Variants in CHN2 observed in about 807,000 individuals in gnomAD.
CHN2 encodes the protein chimerin 2.
A neutral mutation model predicts 56.3 loss-of-function variants in CHN2; 35 were observed. That is an observed-to-expected ratio of 0.62 (90% CI 0.47 to 0.82). CHN2 has a LOEUF of 0.82. CHN2 is among the 40% of genes least tolerant of loss of function. The pLI is 0.00. For missense variants in CHN2, 491 were observed against 580.5 expected (o/e 0.85, Z 1.58); for synonymous variants, 210 against 212.8 (o/e 0.99, Z 0.12).
chr7:29,234,834 A>G (rs1223064884), intron 1 of CHN2, among the ~76,000 whole-genome samples: 2 of 152,224 alleles, frequency 1.3e-5, no homozygotes, highest in Non-Finnish European at 2.9e-5. Context: ...CATTAGCATG[A>G]TGGTTATTTT....
At chr7:29,416,666 C>G (rs375809478) in intron 6 of CHN2, among the ~76,000 whole-genome samples, 1 of 152,074 alleles carries the variant, frequency 6.6e-6, no homozygotes, top group African/African-American at 2.4e-5. Flanking sequence ...ACCGCTGGCC[C>G]GGGCAGTAGA....
Position 29,438,396 on chromosome 7 carries a change from G to T in CHN2, c.576+37568G>T, listed in dbSNP as rs376343020. On this transcript the variant is annotated intron_variant, in intron 6 of 12. Transcript: ENST00000222792. ...GCAATTTGTTCTGAACATATTTCTA[G>T]ATCACCAAATAACCTTTAACAAAAT... 5.9e-5 allele frequency among the ~76,000 whole-genome samples: 9 copies of T among 152,252 alleles called. No individual in the cohort carries two copies. In the East Asian group the frequency reaches 1.2e-3, roughly 20 times the overall value.
At chr7:29,483,707 T>C in intron 7 of CHN2, 1 of 404,448 alleles carries the variant, frequency 2.5e-6, no homozygotes, top group Non-Finnish European at 3.5e-6. Context: ...AGCTCTCTTT[T>C]GAATGGTCCA....
chr7:29,434,729 G>T (rs1359174018), intron 6 of CHN2, among the ~76,000 whole-genome samples: 4 of 152,108 alleles, frequency 2.6e-5, no homozygotes, highest in African/African-American at 4.8e-5. Context: ...TATATCTTTT[G>T]GAGAAGGTCA....
intron 9 of CHN2, among the ~76,000 whole-genome samples, chr7:29,502,176 C>A (rs970740541): frequency 6.6e-6 from 1 of 152,158 alleles, no homozygotes; most frequent in African/African-American, 2.4e-5. Context: ...TCACAGAGAC[C>A]CTGAGTAACA....
At chr7:29,412,473 G>A (rs927884093) in intron 6 of CHN2, among the ~76,000 whole-genome samples, 7 of 151,496 alleles carry the variant, frequency 4.6e-5, no homozygotes, top group African/African-American at 1.5e-4. Context: ...CTGAGACTAC[G>A]GGCTCACACC....
At chr7:29,231,428 A>G (rs1436130734) in intron 1 of CHN2, among the ~76,000 whole-genome samples, 1 of 152,158 alleles carries the variant, frequency 6.6e-6, no homozygotes, top group Non-Finnish European at 1.5e-5. Flanking sequence ...TTATCTACGT[A>G]TCTGTCTTTA....
intron 2 of CHN2, among the ~76,000 whole-genome samples, chr7:29,152,002 T>C (rs991558164): frequency 3.3e-5 from 5 of 152,252 alleles, no homozygotes; most frequent in African/African-American, 7.2e-5. Flanking sequence ...GTTTAGGTTT[T>C]ATTTTATTTT....
chr7:29,315,741 C>T (rs951909837), intron 1 of CHN2, among the ~76,000 whole-genome samples: 1 of 151,858 alleles, frequency 6.6e-6, no homozygotes, highest in African/African-American at 2.4e-5. Context: ...CTAGGTGATT[C>T]AGCAGTGAAT....
At chr7:29,385,800 A>G (rs1455359970) in intron 3 of CHN2, among the ~76,000 whole-genome samples, 2 of 152,166 alleles carry the variant, frequency 1.3e-5, no homozygotes, top group Non-Finnish European at 2.9e-5. Flanking sequence ...TTTCTGGAAA[A>G]TTTTGGGGGC....
At chr7:29,296,945 G>T (rs1411211998) in intron 1 of CHN2, among the ~76,000 whole-genome samples, 1 of 152,116 alleles carries the variant, frequency 6.6e-6, no homozygotes, top group Non-Finnish European at 1.5e-5. Flanking sequence ...TTGGGAGCTG[G>T]GCAGGTCCAG....
At chr7:29,455,761 T>C (rs886789869) in intron 6 of CHN2, among the ~76,000 whole-genome samples, 1 of 152,174 alleles carries the variant, frequency 6.6e-6, no homozygotes, top group Non-Finnish European at 1.5e-5. Flanking sequence ...GAACAGAGGA[T>C]AACCTGACAC....
intron 6 of CHN2, among the ~76,000 whole-genome samples, chr7:29,412,907 G>T (rs1803384231): frequency 8.0e-6 from 1 of 125,008 alleles, no homozygotes; most frequent in Admixed American, 8.6e-5. Context: ...TGGGTGGGTG[G>T]GGTCCTGGAT....
At chr7:29,346,011 A>T (rs1484969204) in intron 1 of CHN2, among the ~76,000 whole-genome samples, 1 of 152,142 alleles carries the variant, frequency 6.6e-6, no homozygotes, top group African/African-American at 2.4e-5. Context: ...GCAGGCCTTC[A>T]TCCCTTACCC....
intron 7 of CHN2, among the ~76,000 whole-genome samples, chr7:29,487,949 C>T (rs751059632): frequency 6.6e-5 from 10 of 152,218 alleles, no homozygotes; most frequent in Admixed American, 2.0e-4. Context: ...ATGTGGGTGT[C>T]GATGTGCTCA....
chr7:29,237,814 C>T (rs914704859), intron 1 of CHN2, among the ~76,000 whole-genome samples: 1 of 152,080 alleles, frequency 6.6e-6, no homozygotes, highest in Middle Eastern at 3.2e-3. Context: ...ATAATGCTTG[C>T]AGAGTGGACA....
intron 6 of CHN2, among the ~76,000 whole-genome samples, chr7:29,403,722 G>T (rs959736724): frequency 6.6e-6 from 1 of 151,980 alleles, no homozygotes; most frequent in African/African-American, 2.4e-5. Flanking sequence ...TCTCCCCACT[G>T]ATTCTTTATT....
At chr7:29,488,681 A>C (rs942864839) in intron 7 of CHN2, among the ~76,000 whole-genome samples, 3 of 151,888 alleles carry the variant, frequency 2.0e-5, no homozygotes, top group Non-Finnish European at 4.4e-5. Flanking sequence ...AGGAAACTTC[A>C]CCCCCCCACC....
chr7:29,430,424 G>T (rs1782756657), intron 6 of CHN2, among the ~76,000 whole-genome samples: 1 of 152,210 alleles, frequency 6.6e-6, no homozygotes. Flanking sequence ...AACCAGAATA[G>T]GTTCTGAGTG....
Sources: allele counts gnomAD v4.1 joint callset (sites outside exome capture counted in the v4.1 genomes callset), GRCh38; gene constraint gnomAD v4.1.1; transcripts MANE v1.5; gene names NCBI Gene and HGNC (gene_info 2026-07-23, HGNC 2026-07-21).